The following TAF2 variants were observed in gnomAD, a reference collection of about 807,000 sequenced individuals.
TAF2 encodes TATA-box binding protein associated factor 2.
A neutral mutation model predicts 138.5 loss-of-function variants in TAF2; 61 were observed. The ratio of observed to expected loss-of-function variants is 0.44; its 90% CI spans 0.36 to 0.54. The LOEUF (loss-of-function observed/expected upper bound fraction) is 0.54, where lower values mean the gene tolerates loss of function less well. TAF2 is among the 20% of genes least tolerant of loss of function. TAF2 has a pLI of 0.00. For missense variants in TAF2, 1,090 were observed against 1,427.9 expected, an observed-to-expected ratio of 0.76 and a Z score of 3.81; for synonymous variants, 475 against 469.9, an observed-to-expected ratio of 1.01 and a Z score of -0.14.
chr8:119,753,887 A>G (rs1029151149), intron 22 of TAF2, among the ~76,000 whole-genome samples: 1 of 152,224 alleles, frequency 6.6e-6, no homozygotes, highest in African/African-American at 2.4e-5. Flanking sequence ...TGAGTGCCAC[A>G]TATGAACTGT....
intron 14 of TAF2, among the ~76,000 whole-genome samples, chr8:119,786,917 TA>T (rs1026646453): frequency 3.9e-5 from 6 of 152,044 alleles, no homozygotes; most frequent in Admixed American, 3.9e-4. Flanking sequence ...CAAGACTGTC[TA>T]AAAAAATTAG....
intron 14 of TAF2, 93 bp from the exon 15 acceptor site, chr8:119,785,359 A>T (rs1822945026): frequency 3.5e-6 from 3 of 852,908 alleles, no homozygotes; most frequent in Non-Finnish European, 5.8e-6. Flanking sequence ...AGTATTTCAC[A>T]CAACATTGAA....
intron 3 of TAF2, among the ~76,000 whole-genome samples, chr8:119,810,991 A>G (rs1825014765): frequency 6.6e-6 from 1 of 152,220 alleles, no homozygotes; most frequent in South Asian, 2.1e-4. Context: ...ACACAAATCA[A>G]ATGTTTTCTT....
intron 17 of TAF2, 79 bp downstream of exon 17, chr8:119,780,974 A>G (rs1822607493): frequency 1.4e-6 from 2 of 1,391,592 alleles, no homozygotes; most frequent in African/African-American, 2.9e-5. Flanking sequence ...AAGAAAGTAA[A>G]CACATCTATT....
intron 18 of TAF2, among the ~76,000 whole-genome samples, chr8:119,763,059 G>T (rs1320909258): frequency 6.6e-6 from 1 of 152,172 alleles, no homozygotes; most frequent in Non-Finnish European, 1.5e-5. Context: ...GCAAGCAAAT[G>T]AATTCTATCA....
intron 20 of TAF2, 24 bp from the exon 21 acceptor site, chr8:119,758,166 T>C: frequency 6.4e-7 from 1 of 1,563,962 alleles, no homozygotes; most frequent in Non-Finnish European, 8.8e-7. Flanking sequence ...AAAATATATT[T>C]GTTGTTAATT....
intron 18 of TAF2, among the ~76,000 whole-genome samples, chr8:119,763,739 G>A (rs1050054628): frequency 3.3e-5 from 5 of 151,410 alleles, no homozygotes; most frequent in Non-Finnish European, 7.4e-5. Context: ...CAAGTGAGCC[G>A]AGACTGCACC....
chr8:119,823,454 G>GA (rs2131263745), intron 2 of TAF2, among the ~76,000 whole-genome samples: 1 of 151,962 alleles, frequency 6.6e-6, no homozygotes, highest in South Asian at 2.1e-4. Flanking sequence ...CTGATGGTTT[G>GA]AAAAACGGGA....
intron 3 of TAF2, among the ~76,000 whole-genome samples, chr8:119,818,696 T>G (rs1024813003): frequency 2.0e-5 from 3 of 150,988 alleles, no homozygotes; most frequent in African/African-American, 7.3e-5. Flanking sequence ...GCAAATGGAG[T>G]ATTATTTAAC....
rs767768594 is a variant in TAF2 at position 119,788,793 on chromosome 8, G to A, written c.1680C>T (p.Tyr560=). ...GCGATTTTGGAAAAAGACTTACCAC[G>A]TATTTCTGAGTTCCAGGAGATGTAT... ...QDYTSPGTQK[Y]VGPLKVTVQE... The change falls in exon 13 of 26, where the codon TAC becomes TAT. Residue 560 remains tyrosine, a synonymous_variant. Coordinates refer to ENST00000378164, the MANE Select transcript of TAF2 (RefSeq NM_003184.4). 130 of 1,609,622 alleles carry A rather than the reference G, an allele frequency of 8.1e-5. No homozygotes were observed. Among genetic ancestry groups the A allele is most frequent in the Non-Finnish European group, 1.0e-4 (123 of 1,176,160 alleles).
intron 14 of TAF2, among the ~76,000 whole-genome samples, chr8:119,787,485 A>G (rs555934489): frequency 2.0e-5 from 3 of 152,356 alleles, no homozygotes; most frequent in Admixed American, 6.5e-5. Flanking sequence ...AACACATGAA[A>G]AAAAGCTCAT....
At chr8:119,819,990 A>C (rs914961226) in intron 2 of TAF2, among the ~76,000 whole-genome samples, 4 of 152,194 alleles carry the variant, frequency 2.6e-5, no homozygotes, top group African/African-American at 4.8e-5. Flanking sequence ...GAGCTACAAA[A>C]GATACCAAGG....
chr8:119,759,271 T>C (rs892889595), intron 20 of TAF2, among the ~76,000 whole-genome samples: 7 of 152,126 alleles, frequency 4.6e-5, no homozygotes, highest in Non-Finnish European at 1.0e-4. Flanking sequence ...CTTTTCGAAG[T>C]TGGGTCAACA....
chr8:119,731,433 G>A lies in TAF2; in HGVS notation c.*491C>T, dbSNP rs1026069206. 1 of 155,632 alleles carries A rather than the reference G, an allele frequency of 6.4e-6. No homozygotes were observed. The highest frequency in any genetic ancestry group is 2.4e-5 in the African/African-American group (1 of 41,478). The allele number at this position is 155,632 out of a possible 1,614,324, so 9.6% of individuals were successfully genotyped here. ...CGTTAATACAAAAATGGTGCAATAAGGAAGAGTACTGTAGAAAAGCCACTG... is the reference window on the plus strand; with the variant it reads ...CGTTAATACAAAAATGGTGCAATAAAGAAGAGTACTGTAGAAAAGCCACTG... On this transcript the variant is annotated 3_prime_UTR_variant, in exon 26 of 26. Transcript: ENST00000378164.
chr8:119,813,347 T>G (rs1026003856), intron 3 of TAF2, among the ~76,000 whole-genome samples: 1 of 152,244 alleles, frequency 6.6e-6, no homozygotes, highest in African/African-American at 2.4e-5. Flanking sequence ...CCCTTTACCA[T>G]GAGTCTACAA....
rs989847576 is a variant in TAF2 at position 119,732,110 on chromosome 8, A to G, written c.3414T>C (p.Ser1138=). The G allele has an allele frequency of 1.2e-6, 2 of 1,614,134 alleles. No individual in the cohort carries two copies. Among genetic ancestry groups the G allele is most frequent in the Admixed American group, 3.3e-5 (2 of 60,010 alleles). Residue 1138 remains serine, a synonymous_variant, in exon 26 of 26, where the codon TCT becomes TCC. Transcript: ENST00000378164. The stretch of plus-strand genomic sequence containing the variant: ...GGTGGTCACTGTGTTTGGAGGCTGT[A>G]GATTCCTTAGTAAAGACTGAGAGTG... The part of the protein sequence containing the change: ...SAPLSVFTKE[S]TASKHSDHHH...
chr8:119,803,866 T>C lies in TAF2; in HGVS notation c.560+12A>G. On this transcript the variant is annotated intron_variant, in intron 5 of 25. Transcript: ENST00000378164. ...AAAAATTAATTGAAATATTTAAGAA[T>C]CTATAATCTACCTTGTAGAATTTTG... 1.2e-6 allele frequency: 2 copies of C among 1,604,188 alleles called. No individual in the cohort carries two copies. Among genetic ancestry groups the C allele is most frequent in the Admixed American group, 3.4e-5 (2 of 58,184 alleles).
intron 18 of TAF2, among the ~76,000 whole-genome samples, chr8:119,775,067 T>G (rs1822125729): frequency 6.6e-6 from 1 of 151,436 alleles, no homozygotes; most frequent in Non-Finnish European, 1.5e-5. Flanking sequence ...GATCACAAGG[T>G]CAAGAGAACG....
intron 2 of TAF2, among the ~76,000 whole-genome samples, chr8:119,824,049 G>T (rs1030834627): frequency 6.6e-6 from 1 of 152,146 alleles, no homozygotes; most frequent in Non-Finnish European, 1.5e-5. Context: ...GCAGTCAAGC[G>T]GTGACTTGGG....
Sources: gnomAD v4.1 joint callset for allele counts (sites outside exome capture counted in the v4.1 genomes callset) on GRCh38, gnomAD v4.1.1 for gene constraint, MANE v1.5 for transcripts, NCBI Gene and HGNC (gene_info 2026-07-23, HGNC 2026-07-21) for gene names.